The following PPP1R9A variants were observed in gnomAD, a reference collection of about 807,000 sequenced individuals.
The protein encoded by PPP1R9A is protein phosphatase 1 regulatory subunit 9A, also known as neurabin-1.
PPP1R9A carries 59 observed loss-of-function variants against 141.9 expected under a neutral mutation model. The observed-to-expected ratio is 0.42, with a 90% CI of 0.34 to 0.52. The LOEUF (loss-of-function observed/expected upper bound fraction) is 0.52, where lower values mean the gene tolerates loss of function less well. PPP1R9A is among the 20% of genes least tolerant of loss of function. PPP1R9A has a pLI of 0.10. For missense variants in PPP1R9A, 1,444 were observed against 1,611.9 expected, an observed-to-expected ratio of 0.90 and a Z score of 1.78; for synonymous variants, 500 against 569.7, an observed-to-expected ratio of 0.88 and a Z score of 1.74.
chr7:95,246,964 G>A (rs762065334), intron 8 of PPP1R9A, among the ~76,000 whole-genome samples: 2 of 152,122 alleles, frequency 1.3e-5, no homozygotes, highest in South Asian at 2.1e-4. Flanking sequence ...AGATTTCCCC[G>A]TGCAACTGCA....
chr7:95,270,905 TG>T (rs2153049967), intron 14 of PPP1R9A, among the ~76,000 whole-genome samples: 1 of 152,306 alleles, frequency 6.6e-6, no homozygotes, highest in East Asian at 1.9e-4. Flanking sequence ...TTAAAAGCAT[TG>T]GGCCTCTGCA....
chr7:95,063,596 T>C (rs576402293), intron 2 of PPP1R9A, among the ~76,000 whole-genome samples: 19 of 152,276 alleles, frequency 1.2e-4, no homozygotes, highest in Non-Finnish European at 2.2e-4. Flanking sequence ...AAGGTGCATC[T>C]TACCTTTATC....
At chr7:94,962,709 T>A (rs1168901407) in intron 2 of PPP1R9A, among the ~76,000 whole-genome samples, 2 of 152,108 alleles carry the variant, frequency 1.3e-5, no homozygotes, top group East Asian at 1.9e-4. Context: ...CTAAAAAAAA[T>A]TAATATACGT....
intron 7 of PPP1R9A, among the ~76,000 whole-genome samples, chr7:95,215,874 C>A (rs1793282176): frequency 6.6e-6 from 1 of 151,940 alleles, no homozygotes; most frequent in South Asian, 2.1e-4. Flanking sequence ...GGATATTAGC[C>A]CTTTGTCAGA....
chr7:95,265,386 C>T (rs1337124148), intron 12 of PPP1R9A, among the ~76,000 whole-genome samples: 1 of 152,104 alleles, frequency 6.6e-6, no homozygotes, highest in Non-Finnish European at 1.5e-5. Flanking sequence ...TTCTTTAAGC[C>T]TCAGTTTTCT....
chr7:95,074,599 C>T lies in PPP1R9A; in HGVS notation c.1396-36660C>T, dbSNP rs528789041. On this transcript the variant is annotated intron_variant, in intron 2 of 19. Transcript: ENST00000433360. ...AAGTGATTCTGCTGCCTCAGCCTCCCGAATAGGTGGGATTACAGACATGCG... is the reference window on the plus strand; with the variant it reads ...AAGTGATTCTGCTGCCTCAGCCTCCTGAATAGGTGGGATTACAGACATGCG... Among the ~76,000 whole-genome samples, 6 of 151,686 alleles carry T rather than the reference C, an allele frequency of 4.0e-5. No individual in the cohort carries two copies. In the South Asian group the frequency reaches 1.2e-3, roughly 32 times the overall value.
chr7:95,149,750 A>G (rs1417004204), intron 4 of PPP1R9A, among the ~76,000 whole-genome samples: 2 of 151,190 alleles, frequency 1.3e-5, no homozygotes, highest in Admixed American at 6.6e-5. Context: ...GATATTCTAC[A>G]TTCATGGATA....
intron 2 of PPP1R9A, among the ~76,000 whole-genome samples, chr7:94,945,744 A>C (rs1391318987): frequency 6.6e-6 from 1 of 152,110 alleles, no homozygotes; most frequent in Admixed American, 6.6e-5. Context: ...AGATTTTCTT[A>C]CTGATCTGAT....
At chr7:95,070,593 G>GTGTATATATATATATATATA (rs376992260) in intron 2 of PPP1R9A, among the ~76,000 whole-genome samples, 1 of 111,940 alleles carries the variant, frequency 8.9e-6, no homozygotes, top group African/African-American at 3.6e-5. Context: ...TAAATCTCTG[G>GTGTATATATATATATATATA]TATATATATA....
intron 12 of PPP1R9A, among the ~76,000 whole-genome samples, chr7:95,254,166 T>G (rs1799269550): frequency 6.6e-6 from 1 of 152,186 alleles, no homozygotes; most frequent in Admixed American, 6.6e-5. Flanking sequence ...TAATTCTTAC[T>G]GAAGCCAATC....
chr7:95,216,820 A>G (rs1357407259), intron 7 of PPP1R9A, among the ~76,000 whole-genome samples: 7 of 152,146 alleles, frequency 4.6e-5, no homozygotes, highest in Non-Finnish European at 1.0e-4. Flanking sequence ...TTGGTTTTGT[A>G]TCCTGAGACT....
chr7:94,910,050 A>G lies in PPP1R9A; in HGVS notation c.-64A>G, dbSNP rs912560819. Reference sequence around the variant, plus strand: ...ATACTGGTGATTAGAGAAGAGAGGTATCTTGGTTTTTGGTTTTTTTCTTTG... The same window carrying G: ...ATACTGGTGATTAGAGAAGAGAGGTGTCTTGGTTTTTGGTTTTTTTCTTTG... On this transcript the variant is annotated 5_prime_UTR_variant, in exon 2 of 20. Transcript: ENST00000433360. This position sits in a 1 kb window ranked among gnomAD's most constrained non-coding sequence, Gnocchi z 4.5. The G allele has an allele frequency of 2.8e-5, 39 of 1,379,392 alleles. No individual in the cohort carries two copies. Among genetic ancestry groups the G allele is most frequent in the Non-Finnish European group, 3.7e-5 (37 of 1,002,932 alleles). 85.4% of individuals were successfully genotyped at this position (1,379,392 alleles called of 1,614,324 possible).
rs573596611 is a variant in PPP1R9A, at chr7:95,236,274, T to G, written c.2112+10158T>G. ...TTAATGATGTAGATAAGATAGAAAG[T>G]TCCGTTCCTGGAAGTTTGTTATTAT... On this transcript the variant is annotated intron_variant, in intron 8 of 19. Coordinates refer to ENST00000433360, the MANE Select transcript of PPP1R9A (RefSeq NM_001166160.2). Among the ~76,000 whole-genome samples, 6 of 152,230 alleles carry G rather than the reference T, an allele frequency of 3.9e-5. No individual in the cohort carries two copies. In the East Asian group the frequency reaches 9.6e-4, roughly 24 times the overall value.
chr7:94,935,138 G>A (rs1794631192), intron 2 of PPP1R9A, among the ~76,000 whole-genome samples: 1 of 152,170 alleles, frequency 6.6e-6, no homozygotes, highest in African/African-American at 2.4e-5. Context: ...CATGAATAAT[G>A]TACATTGTGT....
At chr7:94,934,378 A>G (rs971353897) in intron 2 of PPP1R9A, among the ~76,000 whole-genome samples, 2 of 152,254 alleles carry the variant, frequency 1.3e-5, no homozygotes, top group East Asian at 1.9e-4. Context: ...CATCTCCTTT[A>G]ATGTGACCTT....
Position 94,977,529 on chromosome 7 carries a change from A to T in PPP1R9A, c.1395+66021A>T, listed in dbSNP as rs529337080. Among the ~76,000 whole-genome samples the T allele has an allele frequency of 4.6e-5, 7 of 152,284 alleles. No individual in the cohort carries two copies. The South Asian group carries it at 8.3e-4, about 18-fold the overall frequency. On this transcript the variant is annotated intron_variant, in intron 2 of 19. Coordinates refer to ENST00000433360, the MANE Select transcript of PPP1R9A (RefSeq NM_001166160.2). ...GTAATCTTTGAATGGAGTCATTTTC[A>T]TGGAGAGGTGGGACAAAAGCTTGAA... is the stretch of plus-strand genomic sequence containing the variant.
rs751169414 is a variant in PPP1R9A at position 95,290,281 on chromosome 7, C to A, written c.4103C>A (p.Ala1368Asp). 1.2e-6 allele frequency: 2 copies of A among 1,611,266 alleles called. No homozygotes were observed. Among genetic ancestry groups the A allele is most frequent in the South Asian group, 1.1e-5 (1 of 90,506 alleles). Residue 1368 changes from alanine (A) to aspartate (D), a missense_variant, in exon 20 of 20, where the codon GCC becomes GAC. This residue lies in a region of PPP1R9A where 459 missense variants were observed against 513.8 expected (regional missense o/e 0.89). Transcript: ENST00000433360. ...ACAGAAAAGATGACGTCAACTACAG[C>A]CGAGGGTGCTGGTGAGCAGTAACAC... The part of the protein sequence containing the change: ...KKTEKMTSTT[A>D]EGAGEQ
intron 4 of PPP1R9A, among the ~76,000 whole-genome samples, chr7:95,138,748 A>G (rs1440937393): frequency 2.0e-5 from 3 of 152,246 alleles, no homozygotes; most frequent in African/African-American, 7.2e-5. Context: ...GGCCAATAGT[A>G]TGTGAAAATA....
At chr7:95,097,676 A>G (rs1818224505) in intron 2 of PPP1R9A, among the ~76,000 whole-genome samples, 1 of 152,154 alleles carries the variant, frequency 6.6e-6, no homozygotes, top group Non-Finnish European at 1.5e-5. Context: ...TTTCTATTCT[A>G]TCCTTTTTAA....
Sources: gnomAD v4.1 joint callset for allele counts (sites outside exome capture counted in the v4.1 genomes callset) on GRCh38, gnomAD v4.1.1 for gene constraint, gnomAD v4.1.1 regional missense constraint, Gnocchi (gnomAD v3.1) non-coding constraint, MANE v1.5 for transcripts, NCBI Gene and HGNC (gene_info 2026-07-23, HGNC 2026-07-21) for gene names.